Variants in KDM4C observed in about 807,000 individuals in gnomAD.
KDM4C encodes lysine demethylase 4C.
In KDM4C, 81 loss-of-function variants were observed where a neutral mutation model predicts 129.3. That is an observed-to-expected ratio of 0.63 (90% CI 0.52 to 0.75). The LOEUF (loss-of-function observed/expected upper bound fraction) is 0.75. Among genes scored for constraint, KDM4C ranks in the 30% least tolerant of loss-of-function variants. KDM4C has a pLI of 0.00. For synonymous variants in KDM4C, 573 were observed against 456.1 expected (o/e 1.26, Z -3.26); for missense variants, 1,457 against 1,304.0 (o/e 1.12, Z -1.81).
At chr9:6,874,586 G>C (rs1489454721) in intron 5 of KDM4C, among the ~76,000 whole-genome samples, 1 of 152,078 alleles carries the variant, frequency 6.6e-6, no homozygotes, top group South Asian at 2.1e-4. Context: ...TTTTGTGGCA[G>C]CTGCTACAAT....
intron 19 of KDM4C, among the ~76,000 whole-genome samples, chr9:7,134,996 G>A (rs1396526841): frequency 6.6e-6 from 1 of 152,160 alleles, no homozygotes; most frequent in Non-Finnish European, 1.5e-5. Flanking sequence ...ATTTCCTTTT[G>A]TGTAACTCAT....
At chr9:7,044,411 A>C (rs778522793) in intron 15 of KDM4C, among the ~76,000 whole-genome samples, 1 of 151,816 alleles carries the variant, frequency 6.6e-6, no homozygotes, top group Non-Finnish European at 1.5e-5. Flanking sequence ...ACCTTCTCTC[A>C]TGGGGTTCAG....
At chr9:6,757,829 C>T (rs1457089983), upstream of KDM4C, 1 of 985,544 alleles carries the variant, frequency 1.0e-6, no homozygotes, top group East Asian at 1.1e-4. Flanking sequence ...AGATGCGCGC[C>T]AGCAAGCCTA....
intron 8 of KDM4C, among the ~76,000 whole-genome samples, chr9:6,966,566 C>T (rs1222405267): frequency 6.6e-6 from 1 of 152,180 alleles, no homozygotes. Flanking sequence ...AAAAATATCT[C>T]TGTTTGTAGA....
intron 8 of KDM4C, among the ~76,000 whole-genome samples, chr9:6,931,022 G>T (rs79412673): frequency 0.092 from 13,958 of 152,072 alleles, 951 homozygotes; most frequent in African/African-American, 0.19. Flanking sequence ...GCCTGTGACT[G>T]ATGTCTTCTT....
intron 5 of KDM4C, among the ~76,000 whole-genome samples, chr9:6,856,067 C>G (rs989097785): frequency 1.3e-5 from 2 of 151,978 alleles, no homozygotes; most frequent in Non-Finnish European, 2.9e-5. Context: ...TAGCATGCCT[C>G]TAGTGCCTGG....
At chr9:7,039,524 G>C (rs1828204322) in intron 15 of KDM4C, among the ~76,000 whole-genome samples, 1 of 151,926 alleles carries the variant, frequency 6.6e-6, no homozygotes, top group African/African-American at 2.4e-5. Context: ...CAGAGGTGCT[G>C]ACCCCCAGTT....
chr9:6,890,988 G>A lies in KDM4C; in HGVS notation c.784-2107G>A, dbSNP rs141148224. ...ACATCTTCTGGGGTTTCTTTGGCAC[G>A]GGACAGTGGTGTTATGAGTTACATT... is the stretch of plus-strand genomic sequence containing the variant. On this transcript the variant is annotated intron_variant, in intron 7 of 21. Coordinates refer to ENST00000381309, the MANE Select transcript of KDM4C (RefSeq NM_015061.6). Among the ~76,000 whole-genome samples, 168 of 152,262 alleles carry A rather than the reference G, an allele frequency of 1.1e-3. 1 individual carries two copies. Among genetic ancestry groups the A allele is most frequent in the African/African-American group, 3.7e-3 (153 of 41,538 alleles).
chr9:6,761,328 A>G (rs527338197), intron 1 of KDM4C, among the ~76,000 whole-genome samples: 59 of 150,892 alleles, frequency 3.9e-4, no homozygotes, highest in African/African-American at 1.4e-3. Flanking sequence ...CAGTATTAAG[A>G]TCATCCTGTT....
At chr9:7,031,127 C>CTTGTTTGTTTGTTTGT (rs563216335) in intron 15 of KDM4C, among the ~76,000 whole-genome samples, 3 of 138,400 alleles carry the variant, frequency 2.2e-5, no homozygotes, top group African/African-American at 8.2e-5. Flanking sequence ...CTTTATTTTA[C>CTTGTTTGTTTGTTTGT]TTGTTTATTT....
chr9:6,788,697 G>A (rs368328416), intron 1 of KDM4C, among the ~76,000 whole-genome samples: 16 of 152,262 alleles, frequency 1.1e-4, no homozygotes, highest in Admixed American at 2.0e-4. Context: ...AAGAGGTGGC[G>A]AGCCGGCATT....
At chr9:7,045,630 G>T (rs1464217252) in intron 15 of KDM4C, among the ~76,000 whole-genome samples, 1 of 151,956 alleles carries the variant, frequency 6.6e-6, no homozygotes, top group African/African-American at 2.4e-5. Context: ...TCATTGAGTT[G>T]TTAACTCCTT....
intron 5 of KDM4C, among the ~76,000 whole-genome samples, chr9:6,867,161 A>G (rs906816544): frequency 1.3e-5 from 2 of 151,650 alleles, no homozygotes; most frequent in Non-Finnish European, 2.9e-5. Context: ...GATTACAGGC[A>G]CACACCTACA....
intron 5 of KDM4C, among the ~76,000 whole-genome samples, chr9:6,871,291 A>T (rs577343350): frequency 6.6e-6 from 1 of 152,236 alleles, no homozygotes; most frequent in African/African-American, 2.4e-5. Flanking sequence ...GCCTAATCTC[A>T]TTCAGTTCAA....
Position 6,787,278 on chromosome 9 carries a change from G to A in KDM4C, c.-17-5694G>A, listed in dbSNP as rs534348618. Among the ~76,000 whole-genome samples, 9 of 152,326 alleles carry A rather than the reference G, an allele frequency of 5.9e-5. No individual in the cohort carries two copies. In the East Asian group the frequency reaches 1.3e-3, roughly 23 times the overall value. ...GACGGAGTCTTTATCTGTTGCCCAG[G>A]CTAGAGTGCAGTGGCACCGTCTTGG... On this transcript the variant is annotated intron_variant, in intron 1 of 21. Transcript: ENST00000381309.
intron 11 of KDM4C, chr9:6,986,973 G>T: frequency 3.8e-6 from 1 of 262,880 alleles, no homozygotes; most frequent in Non-Finnish European, 7.2e-6. Context: ...GGGAAATAGT[G>T]CACAGTGATT....
chr9:7,158,912 C>T (rs1452894992), intron 19 of KDM4C, among the ~76,000 whole-genome samples: 3 of 152,120 alleles, frequency 2.0e-5, no homozygotes, highest in Non-Finnish European at 4.4e-5. Flanking sequence ...CCTTCTGTCT[C>T]GTTGATCTGT....
rs959060176 is a variant in KDM4C, at chr9:6,885,222, C to T, written c.680-2738C>T. Among the ~76,000 whole-genome samples, 3 of 152,214 alleles carry T rather than the reference C, an allele frequency of 2.0e-5. No individual in the cohort carries two copies. In the South Asian group the frequency reaches 6.2e-4, roughly 32 times the overall value. On this transcript the variant is annotated intron_variant, in intron 6 of 21. Transcript: ENST00000381309. The stretch of plus-strand genomic sequence containing the variant: ...TGTCACCCACTAATCTGGTTTCTGT[C>T]CCTATCGTTTTACCTTTTCTAAAGT...
intron 8 of KDM4C, among the ~76,000 whole-genome samples, chr9:6,930,694 TAAC>T (rs56789272): frequency 2.9e-5 from 3 of 103,158 alleles, no homozygotes; most frequent in African/African-American, 4.5e-5. Context: ...TATTAATTAT[TAAC>T]ATATCATATG....
Sources: allele counts gnomAD v4.1 joint callset (sites outside exome capture counted in the v4.1 genomes callset), GRCh38; gene constraint gnomAD v4.1.1; transcripts MANE v1.5; gene names NCBI Gene and HGNC (gene_info 2026-07-23, HGNC 2026-07-21).